Variants in PCDHGA2 observed in about 807,000 individuals in gnomAD.
The protein encoded by PCDHGA2 is protocadherin gamma-A2.
Under a neutral mutation model 59.2 loss-of-function variants are expected in PCDHGA2, and 40 were observed. The observed-to-expected ratio is 0.68, with a 90% CI of 0.52 to 0.88. The LOEUF is 0.88. Ranked by LOEUF, PCDHGA2 falls within the 40% of genes least tolerant of loss-of-function variation. The pLI, the probability that PCDHGA2 is intolerant of heterozygous loss-of-function variation, is 0.00. For missense variants in PCDHGA2, 1,226 were observed against 1,204.0 expected, an observed-to-expected ratio of 1.02 and a Z score of -0.27; for synonymous variants, 560 against 526.0, an observed-to-expected ratio of 1.06 and a Z score of -0.89.
intron 1 of PCDHGA2, chr5:141,405,417 TTTTTG>T (rs767701229): frequency 7.0e-6 from 11 of 1,563,080 alleles, no homozygotes; most frequent in Non-Finnish European, 8.7e-6. Flanking sequence ...CTTTTTTTGT[TTTTTG>T]TTTTGTTTTG....
chr5:141,482,510 T>A (rs2099563292), intron 1 of PCDHGA2, among the ~76,000 whole-genome samples: 3 of 121,012 alleles, frequency 2.5e-5, no homozygotes, highest in African/African-American at 3.5e-5. Context: ...GTACCCAGAG[T>A]ACAGTATGAG....
chr5:141,381,823 CTTCTTT>C (rs1777514301), intron 1 of PCDHGA2, among the ~76,000 whole-genome samples: 1 of 101,610 alleles, frequency 9.8e-6, no homozygotes, highest in African/African-American at 4.3e-5. Flanking sequence ...TTTCTTTCTT[CTTCTTT>C]TTTTTTTTTT....
At chr5:141,350,464 A>C (rs1169518481) in intron 1 of PCDHGA2, 1 of 1,613,988 alleles carries the variant, frequency 6.2e-7, no homozygotes, top group South Asian at 1.1e-5. Flanking sequence ...GGGTTAGTGC[A>C]GAGGATTATT....
chr5:141,388,379 C>T (rs901735153), intron 1 of PCDHGA2: 1 of 1,613,998 alleles, frequency 6.2e-7, no homozygotes, highest in South Asian at 1.1e-5. Flanking sequence ...TTGGTAGCAA[C>T]ACACTGCAGA....
intron 1 of PCDHGA2, chr5:141,383,497 C>A: frequency 6.2e-7 from 1 of 1,612,952 alleles, no homozygotes; most frequent in East Asian, 2.2e-5. Flanking sequence ...GGAGCGGGTG[C>A]TGGACCGGGA....
chr5:141,487,751 G>A lies in PCDHGA2; in HGVS notation c.2425-7056G>A. ...CACCATTTTTGTAAGAGGTAACTAT[G>A]TGGTAGACGCTGTGCTTTGTAACTG... On this transcript the variant is annotated intron_variant, in intron 1 of 3. Coordinates refer to ENST00000394576, the MANE Select transcript of PCDHGA2 (RefSeq NM_018915.4). This position sits in a 1 kb window ranked among gnomAD's most constrained non-coding sequence, Gnocchi z 5.0. 1 of 1,555,004 alleles carries A rather than the reference G, an allele frequency of 6.4e-7. No homozygotes were observed.
chr5:141,418,969 A>C, intron 1 of PCDHGA2: 1 of 1,614,028 alleles, frequency 6.2e-7, no homozygotes, highest in Non-Finnish European at 8.5e-7. Flanking sequence ...CCCTCTTCAA[A>C]ACACGGGACC....
chr5:141,431,505 C>T lies in PCDHGA2; in HGVS notation c.2425-63302C>T. 1.2e-6 allele frequency: 2 copies of T among 1,614,018 alleles called. No individual in the cohort carries two copies. The highest frequency in any genetic ancestry group is 1.7e-6 in the Non-Finnish European group (2 of 1,180,028). On this transcript the variant is annotated intron_variant, in intron 1 of 3. Coordinates refer to ENST00000394576, the MANE Select transcript of PCDHGA2 (RefSeq NM_018915.4). This position sits in a 1 kb window ranked among gnomAD's most constrained non-coding sequence, Gnocchi z 4.8. ...GCGTTTGCTCAGCCCGAGTACCGCG[C>T]GAGCGTTCCGGAGAATCTGGCCTTG...
At position 141,356,229 on chromosome 5, in the gene PCDHGA2, C is replaced by T. The variant is rs371768602; in HGVS notation, c.2424+14834C>T. 114 of 1,593,544 alleles carry T rather than the reference C, an allele frequency of 7.2e-5. No individual in the cohort carries two copies. The African/African-American group carries it at 8.8e-4, about 12-fold the overall frequency. ...TGACAGTTCTGGATGAAAATGACAA[C>T]GCACCAGAAGTCACAGTTACATCTC... On this transcript the variant is annotated intron_variant, in intron 1 of 3. Transcript: ENST00000394576.
intron 1 of PCDHGA2, chr5:141,441,530 A>T (rs2154559371): frequency 5.8e-6 from 1 of 172,118 alleles, no homozygotes; most frequent in Non-Finnish European, 1.2e-5. Flanking sequence ...GCCAAGAACA[A>T]TCTTCCCAAA....
At chr5:141,403,223 G>C (rs1414315950) in intron 1 of PCDHGA2, 2 of 1,613,968 alleles carry the variant, frequency 1.2e-6, no homozygotes, top group Non-Finnish European at 8.5e-7. Flanking sequence ...GGGTAGGATA[G>C]ACCGGGAGGA....
Position 141,491,004 on chromosome 5 carries a change from G to T in PCDHGA2, c.2425-3803G>T. ...CTCGCTCTGCTCCTCCTGGCTCCTT[G>T]GTCACCAAGGTGACAGCCGTGGATG... On this transcript the variant is annotated intron_variant, in intron 1 of 3. Transcript: ENST00000394576. The surrounding 1 kb of genome is among the most constrained non-coding windows in gnomAD (Gnocchi z 6.9). The T allele has an allele frequency of 6.2e-7, 1 of 1,614,024 alleles. No individual in the cohort carries two copies. Among genetic ancestry groups the T allele is most frequent in the Non-Finnish European group, 8.5e-7 (1 of 1,180,026 alleles).
At chr5:141,400,799 G>C (rs2094077749) in intron 1 of PCDHGA2, 1 of 553,376 alleles carries the variant, frequency 1.8e-6, no homozygotes, top group Non-Finnish European at 3.2e-6. Flanking sequence ...CTTTCTCAAA[G>C]CTAATGAATT....
chr5:141,427,982 G>T, intron 1 of PCDHGA2: 1 of 1,596,752 alleles, frequency 6.3e-7, no homozygotes, highest in African/African-American at 1.3e-5. Flanking sequence ...CCGCGCTGGG[G>T]CCCGATGGCT....
At chr5:141,366,157 T>C (rs1277783884) in intron 1 of PCDHGA2, 1 of 1,614,080 alleles carries the variant, frequency 6.2e-7, no homozygotes, top group South Asian at 1.1e-5. Flanking sequence ...ACCGCCTGCT[T>C]AAGGCCAGCG....
At chr5:141,383,983 C>G (rs769557615) in intron 1 of PCDHGA2, 1 of 1,613,794 alleles carries the variant, frequency 6.2e-7, no homozygotes, top group Non-Finnish European at 8.5e-7. Flanking sequence ...AGACACACCT[C>G]TTGGGACAGT....
At chr5:141,507,896 G>A (rs1457319438) in intron 3 of PCDHGA2, among the ~76,000 whole-genome samples, 1 of 152,210 alleles carries the variant, frequency 6.6e-6, no homozygotes, top group African/African-American at 2.4e-5. Flanking sequence ...GGTTCCTGAA[G>A]TCCAGCCCAG....
intron 1 of PCDHGA2, chr5:141,346,367 G>T (rs757139743): frequency 4.1e-5 from 66 of 1,614,092 alleles, no homozygotes; most frequent in Non-Finnish European, 5.5e-5. Context: ...ATGCGGACAC[G>T]CTCATCAGCC....
chr5:141,355,459 G>T, intron 1 of PCDHGA2: 2 of 1,614,082 alleles, frequency 1.2e-6, no homozygotes, highest in Non-Finnish European at 1.7e-6. Flanking sequence ...CTTGGTCACC[G>T]CGGGTAGGAT....
Sources: allele counts gnomAD v4.1 joint callset (sites outside exome capture counted in the v4.1 genomes callset), GRCh38; gene constraint gnomAD v4.1.1; non-coding constraint Gnocchi (gnomAD v3.1); transcripts MANE v1.5; gene names NCBI Gene and HGNC (gene_info 2026-07-23, HGNC 2026-07-21).